Variants in MFSD1 observed in about 807,000 individuals in gnomAD.
MFSD1 encodes lysosomal dipeptide transporter MFSD1.
A neutral mutation model predicts 67.1 loss-of-function variants in MFSD1; 59 were observed. The observed-to-expected ratio is 0.88, with a 90% CI of 0.71 to 1.09. MFSD1 has a LOEUF of 1.09. MFSD1 is among the 50% of genes least tolerant of loss of function. The pLI is 0.00. For missense variants in MFSD1, 552 were observed against 566.1 expected, an observed-to-expected ratio of 0.97 and a Z score of 0.25; for synonymous variants, 213 against 200.3, an observed-to-expected ratio of 1.06 and a Z score of -0.54.
intron 15 of MFSD1, among the ~76,000 whole-genome samples, chr3:158,827,789 T>A (rs1333215991): frequency 6.6e-6 from 1 of 152,106 alleles, no homozygotes; most frequent in African/African-American, 2.4e-5. Flanking sequence ...GGAACTATTA[T>A]AACAACATTC....
chr3:158,820,409 A>G, intron 9 of MFSD1, 83 bp downstream of exon 9: 2 of 910,120 alleles, frequency 2.2e-6, no homozygotes, highest in South Asian at 1.5e-5. Flanking sequence ...TTAAAGCAGT[A>G]AATCTTGCTT....
chr3:158,824,520 A>C, intron 13 of MFSD1: 1 of 287,310 alleles, frequency 3.5e-6, no homozygotes, highest in South Asian at 5.3e-5. Flanking sequence ...AGTCCTGAGT[A>C]TATCCTTAAT....
chr3:158,808,692 G>A (rs1279469647), intron 5 of MFSD1, among the ~76,000 whole-genome samples: 3 of 152,062 alleles, frequency 2.0e-5, no homozygotes, highest in Non-Finnish European at 4.4e-5. Context: ...TGGACTTTAT[G>A]GGCAGGAATT....
At chr3:158,827,976 G>GAGACAGAC (rs1553759913) in intron 15 of MFSD1, among the ~76,000 whole-genome samples, 13 of 78,868 alleles carry the variant, frequency 1.6e-4, no homozygotes, top group East Asian at 4.3e-4. Flanking sequence ...GAGAGAGAGA[G>GAGACAGAC]AGACAGAGAT....
chr3:158,821,573 A>G (rs778971864), intron 9 of MFSD1, 24 bp from the exon 10 acceptor site: 20 of 1,556,260 alleles, frequency 1.3e-5, no homozygotes, highest in Non-Finnish European at 1.8e-5. Context: ...TAATGTGCTA[A>G]TTTCTCTGTC....
intron 1 of MFSD1, 55 bp downstream of exon 1, chr3:158,802,370 T>C: frequency 6.3e-7 from 1 of 1,597,880 alleles, no homozygotes; most frequent in South Asian, 1.1e-5. Context: ...GACTTTCTCT[T>C]CGAGGTAGAT....
intron 6 of MFSD1, among the ~76,000 whole-genome samples, chr3:158,812,612 G>C (rs1730088822): frequency 6.6e-6 from 1 of 152,110 alleles, no homozygotes; most frequent in Non-Finnish European, 1.5e-5. Flanking sequence ...AATCATCTCT[G>C]TTCTGGATTA....
intron 6 of MFSD1, among the ~76,000 whole-genome samples, chr3:158,811,683 C>G (rs1730031247): frequency 1.3e-5 from 2 of 152,218 alleles, no homozygotes; most frequent in African/African-American, 4.8e-5. Context: ...AGGATGTCAA[C>G]TGCGTGAAAT....
intron 5 of MFSD1, among the ~76,000 whole-genome samples, chr3:158,808,167 G>T (rs1211990012): frequency 1.3e-5 from 2 of 152,226 alleles, no homozygotes; most frequent in African/African-American, 2.4e-5. Flanking sequence ...CAGAAATGTG[G>T]TCAGAAATGG....
intron 5 of MFSD1, 26 bp from the exon 6 acceptor site, chr3:158,809,153 G>GTTTTTTTTTTTTTTTTTTTTTTTTTTT: frequency 1.7e-6 from 2 of 1,205,254 alleles, no homozygotes; most frequent in Non-Finnish European, 2.3e-6. Context: ...GTGACTTCTG[G>GTTTTTTTTTTTTTTTTTTTTTTTTTTT]TTTTTTTTTT....
chr3:158,827,137 A>G, intron 14 of MFSD1, 143 bp from the exon 15 acceptor site: 2 of 541,326 alleles, frequency 3.7e-6, no homozygotes, highest in Admixed American at 4.0e-5. Flanking sequence ...TAGATAAACC[A>G]TTACTTTTTC....
chr3:158,817,670 C>T (rs1730442683), intron 7 of MFSD1, among the ~76,000 whole-genome samples: 1 of 152,164 alleles, frequency 6.6e-6, no homozygotes, highest in Admixed American at 6.5e-5. Context: ...AATGGCCATA[C>T]TGCCCAAGGT....
intron 12 of MFSD1, among the ~76,000 whole-genome samples, 191 bp downstream of exon 12, chr3:158,823,716 C>G (rs1730799969): frequency 6.6e-6 from 1 of 152,144 alleles, no homozygotes; most frequent in African/African-American, 2.4e-5. Flanking sequence ...AGCAAGAGGG[C>G]TGGAGTAAGC....
intron 5 of MFSD1, among the ~76,000 whole-genome samples, chr3:158,808,012 C>A (rs1312203155): frequency 1.3e-5 from 2 of 152,202 alleles, no homozygotes; most frequent in African/African-American, 2.4e-5. Flanking sequence ...GATGACAGAA[C>A]TGACTCAGTT....
chr3:158,818,729 C>G (rs954978437), intron 7 of MFSD1, among the ~76,000 whole-genome samples: 26 of 152,296 alleles, frequency 1.7e-4, no homozygotes, highest in African/African-American at 5.8e-4. Context: ...CTTTCAAACT[C>G]TCCCTCTCAA....
chr3:158,826,068 TAGA>T lies in MFSD1; in HGVS notation c.1336+10_1336+12del, dbSNP rs1730951066. 2 of 1,612,740 alleles carry T rather than the reference TAGA, an allele frequency of 1.2e-6. No homozygotes were observed. Among genetic ancestry groups the T allele is most frequent in the African/African-American group, 2.7e-5 (2 of 74,996 alleles). On this transcript the variant is annotated splice_region_variant and intron_variant, in intron 14 of 15. Transcript: ENST00000415822. ...TTTGGTGAATCGTGCCCAGGGTAAG[TAGA>T]AGATCTGATATTTGCTTCTTAAACC...
chr3:158,807,544 C>T, intron 5 of MFSD1, 81 bp downstream of exon 5: 2 of 1,138,182 alleles, frequency 1.8e-6, no homozygotes, highest in Middle Eastern at 2.2e-4. Flanking sequence ...AAAACCTTGT[C>T]TCTTCTGGGG....
Position 158,823,545 on chromosome 3 carries a change from A to G in MFSD1, c.1175+20A>G. 1 of 1,465,174 alleles carries G rather than the reference A, an allele frequency of 6.8e-7. No homozygotes were observed. Among genetic ancestry groups the G allele is most frequent in the Non-Finnish European group, 9.6e-7 (1 of 1,044,508 alleles). The allele number at this position is 1,465,174 out of a possible 1,614,324, so 90.8% of individuals were successfully genotyped here. On this transcript the variant is annotated intron_variant, in intron 12 of 15. Coordinates refer to ENST00000415822, the MANE Select transcript of MFSD1 (RefSeq NM_022736.4). ...TGGCTTGTAAGTATTTACGCTGTGG[A>G]TCGTATATGTCTGTCTCTGCTATGT...
intron 9 of MFSD1, among the ~76,000 whole-genome samples, chr3:158,820,557 C>G (rs1167314856): frequency 6.6e-6 from 1 of 152,120 alleles, no homozygotes; most frequent in African/African-American, 2.4e-5. Flanking sequence ...CACTCTCATG[C>G]TGCTAATAAA....
Sources: allele counts gnomAD v4.1 joint callset (sites outside exome capture counted in the v4.1 genomes callset), GRCh38; gene constraint gnomAD v4.1.1; transcripts MANE v1.5; gene names NCBI Gene and HGNC (gene_info 2026-07-23, HGNC 2026-07-21).